BBS9: variants seen among roughly 807,000 people sequenced by gnomAD.
The protein encoded by BBS9 is Bardet-Biedl syndrome 9.
Under a neutral mutation model 117.7 loss-of-function variants are expected in BBS9, and 89 were observed. The ratio of observed to expected loss-of-function variants is 0.76; its 90% CI spans 0.64 to 0.90. BBS9 has a LOEUF of 0.90. Among genes scored for constraint, BBS9 ranks in the 40% least tolerant of loss-of-function variants. The pLI is 0.00. For synonymous variants in BBS9, 379 were observed against 370.9 expected (o/e 1.02, Z -0.25); for missense variants, 982 against 1,042.2 (o/e 0.94, Z 0.80).
intron 9 of BBS9, among the ~76,000 whole-genome samples, chr7:33,282,572 A>G (rs142325771): frequency 2.6e-5 from 4 of 152,002 alleles, no homozygotes; most frequent in African/African-American, 4.8e-5. Flanking sequence ...CAGGGTTTCA[A>G]TATCTTGGCC....
chr7:33,206,471 C>T (rs115720034), intron 5 of BBS9, among the ~76,000 whole-genome samples: 2,029 of 152,094 alleles, frequency 0.013, 50 homozygotes, highest in African/African-American at 0.047. Flanking sequence ...AAAAATAAGA[C>T]GTAACTTTAT....
At chr7:33,411,579 A>G (rs2128823150) in intron 19 of BBS9, among the ~76,000 whole-genome samples, 1 of 152,282 alleles carries the variant, frequency 6.6e-6, no homozygotes, top group Middle Eastern at 3.4e-3. Flanking sequence ...TGCTTTTTAT[A>G]TAAACTTATA....
At chr7:33,463,827 C>G (rs980853637) in intron 19 of BBS9, among the ~76,000 whole-genome samples, 2 of 152,124 alleles carry the variant, frequency 1.3e-5, no homozygotes, top group Admixed American at 1.3e-4. Context: ...AATTTGATCT[C>G]CTATCAACCC....
At chr7:33,366,265 G>T (rs1563070443) in intron 16 of BBS9, among the ~76,000 whole-genome samples, 1 of 152,148 alleles carries the variant, frequency 6.6e-6, no homozygotes, top group Non-Finnish European at 1.5e-5. Context: ...CCACTCCACG[G>T]CTGTCACCAA....
At chr7:33,458,931 T>C (rs1348966816) in intron 19 of BBS9, among the ~76,000 whole-genome samples, 1 of 152,134 alleles carries the variant, frequency 6.6e-6, no homozygotes, top group African/African-American at 2.4e-5. Context: ...TGTCTTTAAT[T>C]AAATTACTTC....
At chr7:33,425,889 A>G (rs1833588602) in intron 19 of BBS9, among the ~76,000 whole-genome samples, 1 of 152,234 alleles carries the variant, frequency 6.6e-6, no homozygotes, top group Non-Finnish European at 1.5e-5. Context: ...ATGTTAAAAG[A>G]GAACAAACTA....
chr7:33,457,919 C>T (rs1053245370), intron 19 of BBS9, among the ~76,000 whole-genome samples: 1 of 152,002 alleles, frequency 6.6e-6, no homozygotes, highest in African/African-American at 2.4e-5. Flanking sequence ...AATAAAAGTC[C>T]GAAGAGGTTA....
At chr7:33,251,475 A>G (rs1311397539) in intron 5 of BBS9, among the ~76,000 whole-genome samples, 1 of 152,128 alleles carries the variant, frequency 6.6e-6, no homozygotes, top group African/African-American at 2.4e-5. Context: ...GGAGAGGGGA[A>G]TGGATAACTA....
chr7:33,129,460 G>C (rs1169192428), upstream of BBS9: 3 of 224,004 alleles, frequency 1.3e-5, no homozygotes, highest in Non-Finnish European at 2.6e-5. Flanking sequence ...GGCCCTCTCA[G>C]AAGTCGGTCC....
intron 9 of BBS9, 105 bp from the exon 10 acceptor site, chr7:33,336,336 T>C: frequency 1.3e-6 from 1 of 793,210 alleles, no homozygotes; most frequent in South Asian, 1.5e-5. Context: ...TATATAGTTA[T>C]TTTCTTAATG....
At chr7:33,284,749 T>C (rs995894703) in intron 9 of BBS9, among the ~76,000 whole-genome samples, 3 of 152,182 alleles carry the variant, frequency 2.0e-5, no homozygotes, top group Admixed American at 1.3e-4. Flanking sequence ...GTTTTCTCTG[T>C]TTTCTGTGGA....
chr7:33,615,022 T>C (rs11974329), intron 21 of BBS9, among the ~76,000 whole-genome samples: 2,579 of 152,026 alleles, frequency 0.017, 72 homozygotes, highest in African/African-American at 0.056. Flanking sequence ...GGTGGGGAGC[T>C]AAGAAGGACT....
intron 21 of BBS9, among the ~76,000 whole-genome samples, chr7:33,562,363 A>G (rs978037478): frequency 1.3e-5 from 2 of 152,208 alleles, no homozygotes; most frequent in African/African-American, 2.4e-5. Context: ...GTAACCTAGG[A>G]CTATTCAAAA....
intron 13 of BBS9, among the ~76,000 whole-genome samples, chr7:33,350,766 CAG>C (rs1818494713): frequency 6.6e-6 from 1 of 152,150 alleles, no homozygotes; most frequent in Admixed American, 6.5e-5. Flanking sequence ...GTTTTTGAGA[CAG>C]AGTCTCACTC....
At chr7:33,424,207 G>T (rs780929900) in intron 19 of BBS9, among the ~76,000 whole-genome samples, 10 of 152,192 alleles carry the variant, frequency 6.6e-5, no homozygotes, top group African/African-American at 9.7e-5. Flanking sequence ...GATTATGGAA[G>T]AATATAGGAA....
At chr7:33,194,673 C>T (rs1784662903) in intron 5 of BBS9, among the ~76,000 whole-genome samples, 1 of 151,828 alleles carries the variant, frequency 6.6e-6, no homozygotes, top group Non-Finnish European at 1.5e-5. Context: ...ATCTTTTTTC[C>T]AGATTGTTAT....
chr7:33,482,447 A>G (rs1039949612), intron 19 of BBS9, among the ~76,000 whole-genome samples: 1 of 152,130 alleles, frequency 6.6e-6, no homozygotes. Flanking sequence ...TTTTAGGTTT[A>G]ACTGGTAACA....
intron 21 of BBS9, among the ~76,000 whole-genome samples, chr7:33,577,279 C>T (rs1053632479): frequency 6.6e-6 from 1 of 152,160 alleles, no homozygotes; most frequent in African/African-American, 2.4e-5. Flanking sequence ...GACGTTTATG[C>T]AGGCAACAGA....
At chr7:33,224,517 T>A (rs529496457) in intron 5 of BBS9, among the ~76,000 whole-genome samples, 3 of 152,206 alleles carry the variant, frequency 2.0e-5, no homozygotes, top group Non-Finnish European at 4.4e-5. Context: ...AATAATGTGT[T>A]AGTAACACCA....
Sources: allele counts gnomAD v4.1 joint callset (sites outside exome capture counted in the v4.1 genomes callset), GRCh38; gene constraint gnomAD v4.1.1; transcripts MANE v1.5; gene names NCBI Gene and HGNC (gene_info 2026-07-23, HGNC 2026-07-21).